Variants in POLL observed in about 807,000 individuals in gnomAD.
POLL encodes DNA polymerase beta-2.
In POLL, 44 loss-of-function variants were observed where a neutral mutation model predicts 58.1. The ratio of observed to expected loss-of-function variants is 0.76; its 90% CI spans 0.60 to 0.97. The LOEUF (loss-of-function observed/expected upper bound fraction) is 0.97, where lower values mean the gene tolerates loss of function less well. Ranked by LOEUF, POLL falls within the 50% of genes least tolerant of loss-of-function variation. The pLI is 0.00. For synonymous variants in POLL, 290 were observed against 283.2 expected, an observed-to-expected ratio of 1.02 and a Z score of -0.24; for missense variants, 632 against 736.8, an observed-to-expected ratio of 0.86 and a Z score of 1.65.
chr10:101,587,517 G>GGGAGGGGGTCTCTTCAAACCCGGTTAAAC lies in POLL; in HGVS notation c.-46-140_-46-112dup, dbSNP rs1264205858. On this transcript the variant is annotated intron_variant, in intron 1 of 8. Transcript: ENST00000370162. ...AGCCCAGTTTGGGGAAGCGGGTCGGGGGAGGGGGTCTCTTCAAACCCGGTT... is the reference window on the plus strand; with the variant it reads ...AGCCCAGTTTGGGGAAGCGGGTCGGGGGAGGGGGTCTCTTCAAACCCGGTTAAACGGAGGGGGTCTCTTCAAACCCGGTT... 6.7e-6 allele frequency: 10 copies of GGGAGGGGGTCTCTTCAAACCCGGTTAAAC among 1,496,010 alleles called. No individual in the cohort carries two copies. The African/African-American group carries it at 1.1e-4, about 17-fold the overall frequency. The allele number at this position is 1,496,010 out of a possible 1,614,324, so 92.7% of individuals were successfully genotyped here.
At position 101,579,568 on chromosome 10, in the gene POLL, C is replaced by T. The variant is rs202232099; in HGVS notation, c.1613G>A (p.Arg538Gln). Residue 538 changes from arginine to glutamine, a missense_variant, in exon 9 of 9, where the codon CGG becomes CAG. By Grantham distance (43) the Arg-to-Gln change is conservative (BLOSUM62 1). Coordinates refer to ENST00000370162, the MANE Select transcript of POLL (RefSeq NM_001174084.2). This position sits in a 1 kb window ranked among gnomAD's most constrained non-coding sequence, Gnocchi z 4.4. The stretch of plus-strand genomic sequence containing the variant: ...CCCCACCTTGCAGCCATGGGTGTTC[C>T]GGACCACAGCAGTGCTGAGGGCATG... Reference protein sequence around the residue: ...SEHALSTAVVRNTHGCKVGPG... With the variant: ...SEHALSTAVVQNTHGCKVGPG... 55 of 1,613,958 alleles carry T rather than the reference C, an allele frequency of 3.4e-5. 1 individual carries two copies. The highest frequency in any genetic ancestry group is 1.9e-4 in the South Asian group (17 of 91,070).
Position 101,584,931 on chromosome 10 carries a change from G to C in POLL, c.574-12C>G. Reference sequence around the variant, plus strand: ...TCATCAGAGATGGGCTTGGGATAGAGAAGAAAAGAAAACAATAAATTCTTG... The same window carrying C: ...TCATCAGAGATGGGCTTGGGATAGACAAGAAAAGAAAACAATAAATTCTTG... On this transcript the variant is annotated splice_polypyrimidine_tract_variant and intron_variant, in intron 4 of 8. Coordinates refer to ENST00000370162, the MANE Select transcript of POLL (RefSeq NM_001174084.2). 7.3e-7 allele frequency: 1 copy of C among 1,373,408 alleles called. No homozygotes were observed. Among genetic ancestry groups the C allele is most frequent in the Non-Finnish European group, 9.5e-7 (1 of 1,054,226 alleles). 85.1% of individuals were successfully genotyped at this position (1,373,408 alleles called of 1,614,324 possible). A position where few individuals can be genotyped will look rare whatever the true frequency, so the allele number is the denominator to read the frequency against.
chr10:101,580,031 T>G lies in POLL; in HGVS notation c.1364-214A>C. ...GAAAGATCAGATGAGATACTTGGCC[T>G]GCAGGGTTCACTGAGCACCTCCACA... On this transcript the variant is annotated intron_variant, in intron 8 of 8. Transcript: ENST00000370162. This position sits in a 1 kb window ranked among gnomAD's most constrained non-coding sequence, Gnocchi z 4.1. 1 of 694,564 alleles carries G rather than the reference T, an allele frequency of 1.4e-6. No individual in the cohort carries two copies. The allele number at this position is 694,564 out of a possible 1,614,324, so 43.0% of individuals were successfully genotyped here. A position where few individuals can be genotyped will look rare whatever the true frequency, so the allele number is the denominator to read the frequency against.
rs1416085667 is a variant in POLL at position 101,584,659 on chromosome 10, G to C, written c.834C>G (p.Gly278=). The part of the protein sequence containing the change: ...SVQGDKWRAL[G]YAKAINALKS... The stretch of plus-strand genomic sequence containing the variant: ...TGAGGGCATTGATGGCCTTGGCATA[G>C]CCCAGGGCCCTCCACTTGTCTCCCT... Residue 278 remains glycine, a synonymous_variant, in exon 5 of 9, where the codon GGC becomes GGG. Transcript: ENST00000370162. 1 of 1,612,596 alleles carries C rather than the reference G, an allele frequency of 6.2e-7. No individual in the cohort carries two copies. The highest frequency in any genetic ancestry group is 8.5e-7 in the Non-Finnish European group (1 of 1,179,396).
chr10:101,585,050 C>G (rs1341399571), intron 4 of POLL, 131 bp from the exon 5 acceptor site: 1 of 688,194 alleles, frequency 1.5e-6, no homozygotes, highest in East Asian at 2.9e-5. Flanking sequence ...GCGGGGCCTT[C>G]TGCATCAGAC....
chr10:101,581,849 A>G (rs1195729819), intron 7 of POLL: 1 of 151,448 alleles, frequency 6.6e-6, no homozygotes, highest in Admixed American at 6.6e-5. Flanking sequence ...TCTGTTGCCC[A>G]GGCTAGAGTG....
Position 101,580,544 on chromosome 10 carries a change from G to T in POLL, c.1195-128C>A. 1 of 768,024 alleles carries T rather than the reference G, an allele frequency of 1.3e-6. No individual in the cohort carries two copies. Among genetic ancestry groups the T allele is most frequent in the Non-Finnish European group, 2.1e-6 (1 of 477,612 alleles). 47.6% of individuals were successfully genotyped at this position (768,024 alleles called of 1,614,324 possible). A position where few individuals can be genotyped will look rare whatever the true frequency, so the allele number is the denominator to read the frequency against. Reference sequence around the variant, plus strand: ...TGCCCATTCCAGATGCCTGCTGCAAGCCCAGGGGAATCCACCCTGAGGAGC... The same window carrying T: ...TGCCCATTCCAGATGCCTGCTGCAATCCCAGGGGAATCCACCCTGAGGAGC... On this transcript the variant is annotated intron_variant, in intron 7 of 8. Coordinates refer to ENST00000370162, the MANE Select transcript of POLL (RefSeq NM_001174084.2). This position sits in a 1 kb window ranked among gnomAD's most constrained non-coding sequence, Gnocchi z 4.1.
At chr10:101,583,760 C>A in intron 5 of POLL, 79 bp from the exon 6 acceptor site, 1 of 1,304,146 alleles carries the variant, frequency 7.7e-7, no homozygotes. Context: ...GAAGCTGACT[C>A]CTCTAGCAGA....
Position 101,579,400 on chromosome 10 carries a change from C to A in POLL, c.*53G>T. On this transcript the variant is annotated 3_prime_UTR_variant, in exon 9 of 9. Coordinates refer to ENST00000370162, the MANE Select transcript of POLL (RefSeq NM_001174084.2). This position sits in a 1 kb window ranked among gnomAD's most constrained non-coding sequence, Gnocchi z 4.4. ...TGAGGCTGGAGGGAGTACTGGGTGGCCAGGAGGGGTAGCCAGTCCAACTCG... is the reference window on the plus strand; with the variant it reads ...TGAGGCTGGAGGGAGTACTGGGTGGACAGGAGGGGTAGCCAGTCCAACTCG... 3 of 1,538,356 alleles carry A rather than the reference C, an allele frequency of 2.0e-6. No individual in the cohort carries two copies. The highest frequency in any genetic ancestry group is 2.6e-6 in the Non-Finnish European group (3 of 1,148,246).
intron 2 of POLL, 26 bp from the exon 3 acceptor site, chr10:101,586,182 A>G: frequency 6.3e-7 from 1 of 1,576,388 alleles, no homozygotes; most frequent in South Asian, 1.1e-5. Flanking sequence ...CCAGATGACT[A>G]CTGTTGTAAC....
chr10:101,586,257 T>A (rs1287193159), intron 2 of POLL, 101 bp from the exon 3 acceptor site: 106 of 1,025,888 alleles, frequency 1.0e-4, no homozygotes, highest in Non-Finnish European at 1.5e-4. Flanking sequence ...GAATGACGTG[T>A]TCACAGTCCC....
intron 6 of POLL, 94 bp from the exon 7 acceptor site, chr10:101,582,985 C>A: frequency 6.5e-7 from 1 of 1,527,460 alleles, no homozygotes; most frequent in Admixed American, 1.7e-5. Flanking sequence ...TCGCCCCAGA[C>A]TCTAGGGAAG....
chr10:101,580,352 C>G lies in POLL; in HGVS notation c.1259G>C (p.Arg420Pro). Residue 420 changes from arginine (R) to proline (P), a missense_variant, in exon 8 of 9, where the codon CGG becomes CCG. Arg to Pro is a moderately radical substitution (Grantham distance 103). Transcript: ENST00000370162. This position sits in a 1 kb window ranked among gnomAD's most constrained non-coding sequence, Gnocchi z 4.1. ...LLCVACGSYR[R>P]GKATCGDVDV... Reference sequence around the variant, plus strand: ...GACATCACCACAGGTCGCCTTTCCCCGTCGGTATGAACCACATGCCACACA... The same window carrying G: ...GACATCACCACAGGTCGCCTTTCCCGGTCGGTATGAACCACATGCCACACA... 6.2e-7 allele frequency: 1 copy of G among 1,614,060 alleles called. No individual in the cohort carries two copies. The highest frequency in any genetic ancestry group is 8.5e-7 in the Non-Finnish European group (1 of 1,179,986).
In POLL at chr10:101,586,105, G is replaced by A; in HGVS notation, c.167C>T (p.Ala56Val). 6.2e-7 allele frequency: 1 copy of A among 1,613,790 alleles called. No homozygotes were observed. The highest frequency in any genetic ancestry group is 1.1e-5 in the South Asian group (1 of 91,082). The change falls in exon 3 of 9, where the codon GCC becomes GTC. Residue 56 changes from alanine to valine, a missense_variant. Transcript: ENST00000370162. ...AHVVRTGIGRARAELFEKQIV... is the reference protein window; with the variant it reads ...AHVVRTGIGRVRAELFEKQIV... Reference sequence around the variant, plus strand: ...CTGCTTCTCAAAGAGTTCTGCCCGGGCTCGTCCAATGCCAGTGCGCACAAC... The same window carrying A: ...CTGCTTCTCAAAGAGTTCTGCCCGGACTCGTCCAATGCCAGTGCGCACAAC...
At chr10:101,586,772 G>A (rs1377572060) in intron 2 of POLL, among the ~76,000 whole-genome samples, 1 of 152,208 alleles carries the variant, frequency 6.6e-6, no homozygotes, top group Non-Finnish European at 1.5e-5. Flanking sequence ...TGAGATTACA[G>A]GCAAGAGCCA....
chr10:101,585,707 A>G (rs1455321136), intron 3 of POLL, among the ~76,000 whole-genome samples, 155 bp downstream of exon 3: 1 of 152,040 alleles, frequency 6.6e-6, no homozygotes, highest in Non-Finnish European at 1.5e-5. Context: ...GGCTCAATCA[A>G]TCCTCCCACC....
chr10:101,584,569 A>G, intron 5 of POLL, 33 bp downstream of exon 5: 1 of 1,478,084 alleles, frequency 6.8e-7, no homozygotes, highest in African/African-American at 1.4e-5. Context: ...CTGGCCAGTA[A>G]AGACCCCTCC....
rs780949097 is a variant in POLL at position 101,583,684 on chromosome 10, A to AGAG, written c.892-6_892-4dup. On this transcript the variant is annotated splice_region_variant and splice_polypyrimidine_tract_variant and intron_variant, in intron 5 of 8. Coordinates refer to ENST00000370162, the MANE Select transcript of POLL (RefSeq NM_001174084.2). ...ATCCCAGGGATACTGCAGGCCTCCT[A>AGAG]GAGGAGGAGGAGGCAGAGGCAAGAA... The AGAG allele has an allele frequency of 1.9e-6, 3 of 1,613,136 alleles. No homozygotes were observed. The highest frequency in any genetic ancestry group is 1.3e-5 in the African/African-American group (1 of 74,900).
At chr10:101,584,985 G>A in intron 4 of POLL, 66 bp from the exon 5 acceptor site, 2 of 1,127,738 alleles carry the variant, frequency 1.8e-6, no homozygotes, top group Non-Finnish European at 2.4e-6. Flanking sequence ...CCTTAAAGGT[G>A]GGGGTCATCT....
Sources: gnomAD v4.1 joint callset for allele counts (sites outside exome capture counted in the v4.1 genomes callset) on GRCh38, gnomAD v4.1.1 for gene constraint, Gnocchi (gnomAD v3.1) non-coding constraint, MANE v1.5 for transcripts, NCBI Gene and HGNC (gene_info 2026-07-23, HGNC 2026-07-21) for gene names.